The following CHST9 variants were observed in gnomAD, a reference collection of about 807,000 sequenced individuals.
CHST9 encodes GalNAc-4-sulfotransferase 2.
In CHST9, 41 loss-of-function variants were observed where a neutral mutation model predicts 44.4. The ratio of observed to expected loss-of-function variants is 0.92; its 90% CI spans 0.72 to 1.20. The LOEUF (loss-of-function observed/expected upper bound fraction) is 1.20, where lower values mean the gene tolerates loss of function less well. CHST9 is among the 50% of genes most tolerant of loss of function. The probability of loss-of-function intolerance (pLI) is 0.00; values close to 1 mark genes in which losing one functional copy is unlikely to be tolerated. For synonymous variants in CHST9, 171 were observed against 178.4 expected, an observed-to-expected ratio of 0.96 and a Z score of 0.33; for missense variants, 504 against 516.5, an observed-to-expected ratio of 0.98 and a Z score of 0.23.
In CHST9 at chr18:27,074,432, A is replaced by T. The variant is rs914398431; in HGVS notation, c.122-25929T>A. On this transcript the variant is annotated intron_variant, in intron 2 of 5. Coordinates refer to ENST00000618847, the MANE Select transcript of CHST9 (RefSeq NM_031422.6). ...AGTTAATGAGAGTGCCTTTAAAATT[A>T]TTAGCATTTAAAAAATAGCCTAGGG... Among the ~76,000 whole-genome samples the T allele has an allele frequency of 2.0e-5, 3 of 152,330 alleles. No homozygotes were observed. The East Asian group carries it at 5.8e-4, about 29-fold the overall frequency.
intron 3 of CHST9, among the ~76,000 whole-genome samples, chr18:27,025,056 A>G (rs1329310975): frequency 6.8e-6 from 1 of 147,844 alleles, no homozygotes; most frequent in Non-Finnish European, 1.5e-5. Flanking sequence ...AACATTATAT[A>G]TATATATGTA....
intron 2 of CHST9, among the ~76,000 whole-genome samples, chr18:27,084,605 G>T (rs1447787622): frequency 1.3e-5 from 2 of 151,296 alleles, no homozygotes; most frequent in Admixed American, 6.6e-5. Flanking sequence ...AACAATTTTT[G>T]GTCTCATTGA....
chr18:27,087,703 T>C (rs1373206323), intron 2 of CHST9, among the ~76,000 whole-genome samples: 1 of 152,214 alleles, frequency 6.6e-6, no homozygotes, highest in Non-Finnish European at 1.5e-5. Context: ...GATTAAACTA[T>C]AAGTATCTAA....
At chr18:27,146,957 G>T (rs1277790693) in intron 1 of CHST9, among the ~76,000 whole-genome samples, 1 of 152,040 alleles carries the variant, frequency 6.6e-6, no homozygotes, top group African/African-American at 2.4e-5. Context: ...AATAATTGTG[G>T]CTACAAACGG....
At chr18:26,979,000 G>GT (rs919881710) in intron 4 of CHST9, among the ~76,000 whole-genome samples, 10 of 151,352 alleles carry the variant, frequency 6.6e-5, no homozygotes, top group African/African-American at 2.2e-4. Context: ...TGTTGTTTCC[G>GT]TTTTTTTTAT....
chr18:27,142,877 T>C lies in CHST9; in HGVS notation c.-68A>G, dbSNP rs2058579779. 4 of 1,475,188 alleles carry C rather than the reference T, an allele frequency of 2.7e-6. No homozygotes were observed. Among genetic ancestry groups the C allele is most frequent in the Non-Finnish European group, 3.7e-6 (4 of 1,090,938 alleles). 91.4% of individuals were successfully genotyped at this position (1,475,188 alleles called of 1,614,324 possible). On this transcript the variant is annotated 5_prime_UTR_variant, in exon 2 of 6. Coordinates refer to ENST00000618847, the MANE Select transcript of CHST9 (RefSeq NM_031422.6). ...CCGTAAAACTTCAGTCTTTTCTTGT[T>C]CTCTAAGAGCCCAATTCCATAAAGT...
intron 1 of CHST9, among the ~76,000 whole-genome samples, chr18:27,172,389 G>A (rs937590208): frequency 6.6e-6 from 1 of 151,918 alleles, no homozygotes; most frequent in Non-Finnish European, 1.5e-5. Flanking sequence ...ATTCTTAGTG[G>A]TATGAGTGTC....
At chr18:26,997,455 T>C (rs911605381) in intron 4 of CHST9, among the ~76,000 whole-genome samples, 1 of 152,210 alleles carries the variant, frequency 6.6e-6, no homozygotes, top group Non-Finnish European at 1.5e-5. Context: ...GAGGATCTCA[T>C]GGCATGGAAT....
rs1040342697 is a variant in CHST9 at position 26,915,782 on chromosome 18, C to G, written c.*477G>C. On this transcript the variant is annotated 3_prime_UTR_variant, in exon 6 of 6. Coordinates refer to ENST00000618847, the MANE Select transcript of CHST9 (RefSeq NM_031422.6). Reference sequence around the variant, plus strand: ...AATGCCTAAGTCCAAAATATCACTTCAAAATGGATTTATCATTATAGTTGA... The same window carrying G: ...AATGCCTAAGTCCAAAATATCACTTGAAAATGGATTTATCATTATAGTTGA... 2.6e-5 allele frequency: 4 copies of G among 153,120 alleles called. No individual in the cohort carries two copies. The highest frequency in any genetic ancestry group is 7.2e-5 in the African/African-American group (3 of 41,426). The allele number at this position is 153,120 out of a possible 1,614,324, so 9.5% of individuals were successfully genotyped here. A position where few individuals can be genotyped will look rare whatever the true frequency, so the allele number is the denominator to read the frequency against.
At chr18:27,098,203 A>G (rs1206069963) in intron 2 of CHST9, among the ~76,000 whole-genome samples, 2 of 152,182 alleles carry the variant, frequency 1.3e-5, no homozygotes, top group African/African-American at 4.8e-5. Flanking sequence ...AACATTAAAA[A>G]AAAAAGCTCA....
At chr18:27,040,085 A>T (rs2057429113) in intron 3 of CHST9, among the ~76,000 whole-genome samples, 1 of 152,172 alleles carries the variant, frequency 6.6e-6, no homozygotes, top group African/African-American at 2.4e-5. Context: ...TGTGAAATGT[A>T]TTAGAGATTT....
intron 2 of CHST9, among the ~76,000 whole-genome samples, chr18:27,091,424 G>A (rs1037932979): frequency 1.4e-4 from 21 of 152,190 alleles, no homozygotes; most frequent in African/African-American, 3.1e-4. Context: ...TTTCCTAATC[G>A]AATACCCTTT....
At chr18:27,163,444 A>C (rs1052430172) in intron 1 of CHST9, among the ~76,000 whole-genome samples, 4 of 152,110 alleles carry the variant, frequency 2.6e-5, no homozygotes, top group Non-Finnish European at 5.9e-5. Context: ...GGCCTCCTTG[A>C]GCTGCAGTGG....
chr18:27,150,172 A>G (rs1309760202), intron 1 of CHST9, among the ~76,000 whole-genome samples: 1 of 150,578 alleles, frequency 6.6e-6, no homozygotes, highest in African/African-American at 2.5e-5. Flanking sequence ...ACAACTTTGC[A>G]GTTATCTCTA....
At chr18:27,048,652 A>G in intron 2 of CHST9, 149 bp from the exon 3 acceptor site, 1 of 560,058 alleles carries the variant, frequency 1.8e-6, no homozygotes, top group Non-Finnish European at 3.2e-6. Context: ...GGCTCAGCTG[A>G]CAGGCATAAG....
At chr18:27,029,632 C>T (rs2057319752) in intron 3 of CHST9, among the ~76,000 whole-genome samples, 1 of 152,192 alleles carries the variant, frequency 6.6e-6, no homozygotes, top group Non-Finnish European at 1.5e-5. Context: ...TATGCACATT[C>T]TCCCATATAC....
At chr18:27,170,697 T>A (rs1005195473) in intron 1 of CHST9, among the ~76,000 whole-genome samples, 1 of 152,168 alleles carries the variant, frequency 6.6e-6, no homozygotes, top group Non-Finnish European at 1.5e-5. Flanking sequence ...TTACTCTGCC[T>A]CCTTTTTTTG....
intron 4 of CHST9, among the ~76,000 whole-genome samples, chr18:26,963,086 G>C (rs949034275): frequency 6.6e-6 from 1 of 152,066 alleles, no homozygotes; most frequent in African/African-American, 2.4e-5. Context: ...AAATACTGAG[G>C]GCATATTATG....
chr18:27,090,641 T>C (rs2058059183), intron 2 of CHST9, among the ~76,000 whole-genome samples: 1 of 152,214 alleles, frequency 6.6e-6, no homozygotes, highest in African/African-American at 2.4e-5. Context: ...AAGGAAGGGA[T>C]CCAGTTTCAG....
Sources: gnomAD v4.1 joint callset for allele counts (sites outside exome capture counted in the v4.1 genomes callset) on GRCh38, gnomAD v4.1.1 for gene constraint, MANE v1.5 for transcripts, NCBI Gene and HGNC (gene_info 2026-07-23, HGNC 2026-07-21) for gene names.